Variants in LRRFIP1 observed in about 807,000 individuals in gnomAD.
LRRFIP1 encodes the protein leucine-rich repeat flightless-interacting protein 1.
A neutral mutation model predicts 104.4 loss-of-function variants in LRRFIP1; 62 were observed. The ratio of observed to expected loss-of-function variants is 0.59; its 90% confidence interval spans 0.48 to 0.73. LRRFIP1 has a LOEUF of 0.73. Among genes scored for constraint, LRRFIP1 ranks in the 30% least tolerant of loss-of-function variants. The pLI is 0.00. For missense variants in LRRFIP1, 796 were observed against 824.5 expected, an observed-to-expected ratio of 0.97 and a Z score of 0.42; for synonymous variants, 300 against 299.0, an observed-to-expected ratio of 1.00 and a Z score of -0.03.
chr2:237,629,239 C>T (rs2082002400), intron 1 of LRRFIP1, among the ~76,000 whole-genome samples: 1 of 152,234 alleles, frequency 6.6e-6, no homozygotes, highest in African/African-American at 2.4e-5. Flanking sequence ...GGACCTTTGG[C>T]TAAATATAGA....
At chr2:237,628,955 C>T (rs2081970770) in intron 1 of LRRFIP1, among the ~76,000 whole-genome samples, 1 of 152,276 alleles carries the variant, frequency 6.6e-6, no homozygotes, top group African/African-American at 2.4e-5. Context: ...CCTGGAAGCC[C>T]ACTGTGACCT....
At chr2:237,647,733 GGGAGCA>G (rs2085196705) in intron 1 of LRRFIP1, among the ~76,000 whole-genome samples, 1 of 113,732 alleles carries the variant, frequency 8.8e-6, no homozygotes, top group African/African-American at 3.0e-5. Context: ...GGCAGGTGGA[GGGAGCA>G]GGAGCAGGGT....
chr2:237,681,096 T>G lies in LRRFIP1; in HGVS notation c.97-27448T>G, dbSNP rs115300373. ...TTTTGAAAAAACATAACAGGGGTAG[T>G]TTTCAACTTTTTTGTAGCCCACAGC... On this transcript the variant is annotated intron_variant, in intron 1 of 23. Transcript: ENST00000308482. Among the ~76,000 whole-genome samples, 1,177 of 152,028 alleles carry G rather than the reference T, an allele frequency of 7.7e-3. 17 individuals carry two copies. The highest frequency in any genetic ancestry group is 0.027 in the African/African-American group (1,134 of 41,446).
intron 10 of LRRFIP1, among the ~76,000 whole-genome samples, chr2:237,737,214 C>T (rs1444858636): frequency 6.6e-6 from 1 of 152,174 alleles, no homozygotes; most frequent in Non-Finnish European, 1.5e-5. Context: ...TTGTCTGATC[C>T]AGGAGCCGAG....
chr2:237,628,537 G>C (rs951548102), intron 1 of LRRFIP1, among the ~76,000 whole-genome samples: 12 of 152,198 alleles, frequency 7.9e-5, no homozygotes, highest in African/African-American at 2.9e-4. Flanking sequence ...TGGGAAAAGG[G>C]GAGCCAATAG....
chr2:237,636,666 T>C (rs1421250160), intron 1 of LRRFIP1, among the ~76,000 whole-genome samples: 1 of 152,192 alleles, frequency 6.6e-6, no homozygotes, highest in Non-Finnish European at 1.5e-5. Flanking sequence ...TGTGTGGTGA[T>C]CCTCAGCTAC....
chr2:237,763,955 G>A lies in LRRFIP1; in HGVS notation c.1459+3750G>A, dbSNP rs150005655. On this transcript the variant is annotated intron_variant, in intron 19 of 23. Coordinates refer to ENST00000308482, the MANE Select transcript of LRRFIP1 (RefSeq NM_001137550.2). ...TGATGCCTGTGAAGCAGAAAGTACA[G>A]AGAGGTGTGAGATGTCAGAACATCC... is the stretch of plus-strand genomic sequence containing the variant. 270 of 1,614,096 alleles carry A rather than the reference G, an allele frequency of 1.7e-4. No individual in the cohort carries two copies. The highest frequency in any genetic ancestry group is 2.2e-4 in the Non-Finnish European group (261 of 1,180,042).
At chr2:237,724,575 A>G (rs560000374) in intron 7 of LRRFIP1, among the ~76,000 whole-genome samples, 1 of 152,318 alleles carries the variant, frequency 6.6e-6, no homozygotes, top group Non-Finnish European at 1.5e-5. Context: ...CGCTCTTCAC[A>G]GAGTATCTGT....
intron 19 of LRRFIP1, chr2:237,768,937 C>T (rs1559853272): frequency 6.6e-6 from 1 of 152,114 alleles, no homozygotes; most frequent in Non-Finnish European, 1.5e-5. Flanking sequence ...CTGACTCGGG[C>T]GTGTGAGTTT....
chr2:237,699,391 C>T (rs1469983575), intron 1 of LRRFIP1, among the ~76,000 whole-genome samples: 2 of 143,688 alleles, frequency 1.4e-5, no homozygotes, highest in Non-Finnish European at 3.0e-5. Flanking sequence ...TTCGCTCTGT[C>T]GCCCAGGCTG....
At position 237,627,682 on chromosome 2, in the gene LRRFIP1, TC is replaced by T. The variant is rs1393262531; in HGVS notation, c.42del (p.Asn15ThrfsTer38). ...ACCCAGGGATCGGGGCGCAAGCGGC[TC>T]CCCAACCGGGAGCGGCTCACGGCGG... ...MGTQGSGRKR[L>X]PNRERLTAED... On this transcript the variant is annotated frameshift_variant, in exon 1 of 24. Coordinates refer to ENST00000308482, the MANE Select transcript of LRRFIP1 (RefSeq NM_001137550.2). LOFTEE classifies it high-confidence loss of function. The T allele has an allele frequency of 7.3e-7, 1 of 1,368,828 alleles. No individual in the cohort carries two copies. The allele number at this position is 1,368,828 out of a possible 1,614,324, so 84.8% of individuals were successfully genotyped here. A position where few individuals can be genotyped will look rare whatever the true frequency, so the allele number is the denominator to read the frequency against.
chr2:237,692,512 G>C (rs1480368970), intron 1 of LRRFIP1: 1 of 1,530,256 alleles, frequency 6.5e-7, no homozygotes, highest in South Asian at 1.2e-5. Flanking sequence ...GCCCGGAAGC[G>C]CAGAAGCTGG....
At chr2:237,642,918 G>A (rs2084246533) in intron 1 of LRRFIP1, among the ~76,000 whole-genome samples, 1 of 152,206 alleles carries the variant, frequency 6.6e-6, no homozygotes, top group Admixed American at 6.5e-5. Flanking sequence ...CCTGGAGAGG[G>A]AAGGAAGGGC....
chr2:237,627,638 G>A lies in LRRFIP1; in HGVS notation c.-7G>A. Reference sequence around the variant, plus strand: ...GGGCCCCGCGGCAGCTGCGGGCGACGCGGTCGATGGACATGGGCACCCAGG... The same window carrying A: ...GGGCCCCGCGGCAGCTGCGGGCGACACGGTCGATGGACATGGGCACCCAGG... On this transcript the variant is annotated 5_prime_UTR_variant, in exon 1 of 24. Coordinates refer to ENST00000308482, the MANE Select transcript of LRRFIP1 (RefSeq NM_001137550.2). 7.6e-7 allele frequency: 1 copy of A among 1,311,960 alleles called. No homozygotes were observed. Among genetic ancestry groups the A allele is most frequent in the Non-Finnish European group, 9.8e-7 (1 of 1,017,920 alleles). The allele number at this position is 1,311,960 out of a possible 1,614,324, so 81.3% of individuals were successfully genotyped here.
At chr2:237,749,430 T>G in intron 13 of LRRFIP1, 106 bp downstream of exon 13, 2 of 1,371,700 alleles carry the variant, frequency 1.5e-6, no homozygotes, top group Non-Finnish European at 2.0e-6. Flanking sequence ...ATCTTTCTTC[T>G]TGGTCCTCTC....
At chr2:237,718,284 C>T (rs2094417529) in intron 4 of LRRFIP1, among the ~76,000 whole-genome samples, 1 of 152,248 alleles carries the variant, frequency 6.6e-6, no homozygotes, top group Non-Finnish European at 1.5e-5. Flanking sequence ...GCCCCATCGC[C>T]CTCATTTAGA....
chr2:237,779,972 G>A lies in LRRFIP1; in HGVS notation c.*440G>A, dbSNP rs544161028. The A allele has an allele frequency of 1.1e-3, 173 of 155,662 alleles. No homozygotes were observed. Among genetic ancestry groups the A allele is most frequent in the Non-Finnish European group, 2.1e-3 (151 of 70,250 alleles). The allele number at this position is 155,662 out of a possible 1,614,324, so 9.6% of individuals were successfully genotyped here. A position where few individuals can be genotyped will look rare whatever the true frequency, so the allele number is the denominator to read the frequency against. On this transcript the variant is annotated 3_prime_UTR_variant, in exon 24 of 24. Coordinates refer to ENST00000308482, the MANE Select transcript of LRRFIP1 (RefSeq NM_001137550.2). ...TCATGGCAGAATCTACAATTTGAGC[G>A]ACTTCAGTAGTATCTCTTAGTCTAC... is the stretch of plus-strand genomic sequence containing the variant.
intron 3 of LRRFIP1, among the ~76,000 whole-genome samples, chr2:237,715,924 C>G (rs2094316210): frequency 6.6e-6 from 1 of 152,204 alleles, no homozygotes; most frequent in Non-Finnish European, 1.5e-5. Context: ...CATGGAAATG[C>G]AGTTACAGTA....
At position 237,779,639 on chromosome 2, in the gene LRRFIP1, C is replaced by A; in HGVS notation, c.*107C>A. Reference sequence around the variant, plus strand: ...GCTTCTTCCCCTGCCTTCCGAGAGACGAAGACCGTGGCGAGCTTGGCGCTT... The same window carrying A: ...GCTTCTTCCCCTGCCTTCCGAGAGAAGAAGACCGTGGCGAGCTTGGCGCTT... On this transcript the variant is annotated 3_prime_UTR_variant, in exon 24 of 24. Transcript: ENST00000308482. 9.8e-7 allele frequency: 1 copy of A among 1,016,040 alleles called. No homozygotes were observed. Among genetic ancestry groups the A allele is most frequent in the Non-Finnish European group, 1.5e-6 (1 of 687,630 alleles). The allele number at this position is 1,016,040 out of a possible 1,614,324, so 62.9% of individuals were successfully genotyped here.
Sources: allele counts gnomAD v4.1 joint callset (sites outside exome capture counted in the v4.1 genomes callset), GRCh38; gene constraint gnomAD v4.1.1; transcripts MANE v1.5; gene names NCBI Gene and HGNC (gene_info 2026-07-23, HGNC 2026-07-21).